The following CADM2 variants were observed in gnomAD, a reference collection of about 807,000 sequenced individuals.
CADM2 encodes immunoglobulin superfamily member 4D.
In CADM2, 12 loss-of-function variants were observed where a neutral mutation model predicts 49.8. That is an observed-to-expected ratio of 0.24 (90% CI 0.15 to 0.39). The LOEUF (loss-of-function observed/expected upper bound fraction) is 0.39. CADM2 is among the 10% of genes least tolerant of loss of function. CADM2 has a pLI of 1.00. For synonymous variants in CADM2, 214 were observed against 175.4 expected, an observed-to-expected ratio of 1.22 and a Z score of -1.74; for missense variants, 378 against 492.3, an observed-to-expected ratio of 0.77 and a Z score of 2.20.
intron 1 of CADM2, among the ~76,000 whole-genome samples, chr3:85,096,415 A>G (rs894409744): frequency 1.3e-4 from 20 of 151,692 alleles, no homozygotes; most frequent in Non-Finnish European, 2.6e-4. Flanking sequence ...ACAGAAGTCA[A>G]TGTGACTTGT....
chr3:85,583,201 T>G (rs1392467761), intron 1 of CADM2, among the ~76,000 whole-genome samples: 2 of 152,156 alleles, frequency 1.3e-5, no homozygotes, highest in East Asian at 3.9e-4. Context: ...TCGAAAAGCC[T>G]GAGATGTGTA....
intron 1 of CADM2, among the ~76,000 whole-genome samples, chr3:85,372,608 C>T (rs1442625919): frequency 6.6e-6 from 1 of 151,936 alleles, no homozygotes; most frequent in Non-Finnish European, 1.5e-5. Flanking sequence ...TTATGATGTT[C>T]AGATATTTTG....
chr3:85,866,165 A>G (rs1397551448), intron 3 of CADM2, among the ~76,000 whole-genome samples: 1 of 152,086 alleles, frequency 6.6e-6, no homozygotes, highest in Non-Finnish European at 1.5e-5. Context: ...GATAGAAGAA[A>G]AACCCCGAAG....
At chr3:85,579,548 T>C (rs1463245586) in intron 1 of CADM2, among the ~76,000 whole-genome samples, 1 of 152,198 alleles carries the variant, frequency 6.6e-6, no homozygotes, top group Non-Finnish European at 1.5e-5. Flanking sequence ...GAGTCAAGTT[T>C]GTTAACATGC....
chr3:85,716,918 G>A (rs1163770473), intron 1 of CADM2, among the ~76,000 whole-genome samples: 4 of 152,178 alleles, frequency 2.6e-5, no homozygotes, highest in Admixed American at 6.5e-5. Context: ...ACAGTTTGAA[G>A]TCAGGTAGTG....
At chr3:85,080,144 T>G (rs2037108561) in intron 1 of CADM2, among the ~76,000 whole-genome samples, 1 of 152,030 alleles carries the variant, frequency 6.6e-6, no homozygotes, top group Non-Finnish European at 1.5e-5. Context: ...GTATATCAAT[T>G]AACTTAAATG....
intron 3 of CADM2, among the ~76,000 whole-genome samples, chr3:85,875,448 G>T (rs944638173): frequency 3.9e-5 from 6 of 152,132 alleles, no homozygotes; most frequent in African/African-American, 1.2e-4. Flanking sequence ...CAAGTGTTAA[G>T]TCTTAGACTT....
chr3:85,951,776 T>C lies in CADM2; in HGVS notation c.792-9693T>C, dbSNP rs558393855. ...AGGACAGTATTTAGTAAAACAAACA[T>C]CATTTACCTTCTCCTTTTTCTTTAG... On this transcript the variant is annotated intron_variant, in intron 7 of 9. Transcript: ENST00000383699. Among the ~76,000 whole-genome samples, 230 of 151,154 alleles carry C rather than the reference T, an allele frequency of 1.5e-3. 2 individuals are homozygous for C. The highest frequency in any genetic ancestry group is 5.5e-3 in the African/African-American group (228 of 41,432).
intron 8 of CADM2, among the ~76,000 whole-genome samples, chr3:86,061,201 C>T (rs9817261): frequency 0.19 from 28,875 of 151,682 alleles, 2,863 homozygotes; most frequent in African/African-American, 0.24. Context: ...CTATATAAAG[C>T]AAAATGTATT....
At chr3:85,311,376 A>ATTATTT (rs2044338313) in intron 1 of CADM2, among the ~76,000 whole-genome samples, 1 of 148,816 alleles carries the variant, frequency 6.7e-6, no homozygotes, top group African/African-American at 2.5e-5. Context: ...TATTATTATT[A>ATTATTT]TTATTATTAT....
chr3:85,610,139 C>T (rs1363510167), intron 1 of CADM2, among the ~76,000 whole-genome samples: 2 of 151,848 alleles, frequency 1.3e-5, no homozygotes, highest in Admixed American at 1.3e-4. Context: ...CCATAAGGAT[C>T]TATCTATTTT....
chr3:85,645,578 G>T (rs1237104523), intron 1 of CADM2, among the ~76,000 whole-genome samples: 2 of 151,002 alleles, frequency 1.3e-5, no homozygotes, highest in African/African-American at 4.9e-5. Flanking sequence ...TAATTTTAAG[G>T]GTATATTTAC....
At chr3:85,384,938 A>T (rs1233896613) in intron 1 of CADM2, among the ~76,000 whole-genome samples, 7 of 151,724 alleles carry the variant, frequency 4.6e-5, no homozygotes, top group African/African-American at 1.2e-4. Flanking sequence ...TTATTTATTT[A>T]TTTATTTATT....
chr3:85,020,868 C>T (rs930822655), intron 1 of CADM2, among the ~76,000 whole-genome samples: 2 of 151,818 alleles, frequency 1.3e-5, no homozygotes, highest in Non-Finnish European at 1.5e-5. Context: ...TATTTTGTAG[C>T]ACAGGAAAAA....
intron 1 of CADM2, among the ~76,000 whole-genome samples, chr3:85,327,238 A>G (rs939951582): frequency 5.9e-5 from 9 of 151,914 alleles, no homozygotes; most frequent in African/African-American, 2.2e-4. Flanking sequence ...AAACACACAC[A>G]TTTATTTATT....
chr3:85,964,189 T>C (rs1220656638), intron 8 of CADM2, among the ~76,000 whole-genome samples: 1 of 151,886 alleles, frequency 6.6e-6, no homozygotes, highest in African/African-American at 2.4e-5. Flanking sequence ...ATGAATGCTG[T>C]ATGCATTTTT....
At chr3:85,615,352 T>C (rs2063774197) in intron 1 of CADM2, among the ~76,000 whole-genome samples, 2 of 152,076 alleles carry the variant, frequency 1.3e-5, no homozygotes, top group African/African-American at 4.8e-5. Flanking sequence ...TTTGTGACTT[T>C]GTCAACCTTT....
At chr3:85,994,758 TAGTC>T (rs1431471083) in intron 8 of CADM2, 34 of 152,212 alleles carry the variant, frequency 2.2e-4, no homozygotes, top group Admixed American at 2.2e-3. Flanking sequence ...GTCAGTAAAT[TAGTC>T]AGAACAGACA....
chr3:85,632,848 TTTAA>T (rs1460245765), intron 1 of CADM2, among the ~76,000 whole-genome samples: 3 of 152,078 alleles, frequency 2.0e-5, no homozygotes, highest in Admixed American at 6.6e-5. Flanking sequence ...TGTCTGGAAA[TTTAA>T]TATGACTATT....
Sources: gnomAD v4.1 joint callset for allele counts (sites outside exome capture counted in the v4.1 genomes callset) on GRCh38, gnomAD v4.1.1 for gene constraint, MANE v1.5 for transcripts, NCBI Gene and HGNC (gene_info 2026-07-23, HGNC 2026-07-21) for gene names.